Variants in LRCH1 observed in about 807,000 individuals in gnomAD.
The protein encoded by LRCH1 is leucine rich repeats and calponin homology domain containing 1.
LRCH1 carries 23 observed loss-of-function variants against 94.9 expected under a neutral mutation model. That is an observed-to-expected ratio of 0.24 (90% CI 0.17 to 0.34). The LOEUF is 0.34. Ranked by LOEUF, LRCH1 falls within the 10% of genes least tolerant of loss-of-function variation. The pLI is 1.00. For synonymous variants in LRCH1, 364 were observed against 354.9 expected, an observed-to-expected ratio of 1.03 and a Z score of -0.29; for missense variants, 790 against 945.9, an observed-to-expected ratio of 0.84 and a Z score of 2.16.
In LRCH1 at chr13:46,715,551, C is replaced by A; in HGVS notation, c.1655-9C>A. On this transcript the variant is annotated splice_polypyrimidine_tract_variant and intron_variant, in intron 15 of 19. Transcript: ENST00000389797. ...CTGTACGCGGACTGGCTCTCTGGCT[C>A]CCCTGCAGACCCAGCCCTCATTCTT... The A allele has an allele frequency of 6.6e-7, 1 of 1,516,040 alleles. No individual in the cohort carries two copies. The highest frequency in any genetic ancestry group is 8.9e-7 in the Non-Finnish European group (1 of 1,127,536). The allele number at this position is 1,516,040 out of a possible 1,614,324, so 93.9% of individuals were successfully genotyped here.
In LRCH1 at chr13:46,598,138, G is replaced by A. The variant is rs531660029; in HGVS notation, c.307+44435G>A. Among the ~76,000 whole-genome samples the A allele has an allele frequency of 2.6e-5, 4 of 152,186 alleles. 1 individual carries two copies. Among genetic ancestry groups the A allele is most frequent in the South Asian group, 4.2e-4 (2 of 4,810 alleles). On this transcript the variant is annotated intron_variant, in intron 1 of 19. Transcript: ENST00000389797. The stretch of plus-strand genomic sequence containing the variant: ...TCTACTAAAAATACAAAAATTAGCC[G>A]GTCAAGGTGGCGGGCACCCAATAAA...
chr13:46,729,065 G>A lies in LRCH1; in HGVS notation c.2007+81G>A, dbSNP rs1028069530. ...GTTGTTGGTTTAGGATGTCAATGGTGTCAGTAGGAGCTTGCTCAAATCTTT... is the reference window on the plus strand; with the variant it reads ...GTTGTTGGTTTAGGATGTCAATGGTATCAGTAGGAGCTTGCTCAAATCTTT... On this transcript the variant is annotated intron_variant, in intron 18 of 19. Transcript: ENST00000389797. 6.4e-5 allele frequency: 87 copies of A among 1,351,622 alleles called. 1 individual carries two copies. In the East Asian group the frequency reaches 6.5e-4, roughly 10 times the overall value. The allele number at this position is 1,351,622 out of a possible 1,614,324, so 83.7% of individuals were successfully genotyped here. A position where few individuals can be genotyped will look rare whatever the true frequency, so the allele number is the denominator to read the frequency against.
chr13:46,664,199 G>T (rs911977651), intron 2 of LRCH1, among the ~76,000 whole-genome samples: 2 of 152,138 alleles, frequency 1.3e-5, no homozygotes, highest in Non-Finnish European at 2.9e-5. Flanking sequence ...TATTTTAAAG[G>T]TGGCTAAAAT....
Position 46,553,620 on chromosome 13 carries a change from G to C in LRCH1, c.224G>C (p.Gly75Ala), listed in dbSNP as rs1165740967. The part of the protein sequence containing the change: ...RALEEAANSG[G>A]LNLSARKLKE... Reference sequence around the variant, plus strand: ...CTTGAGGAGGCGGCCAACTCCGGGGGGCTGAACCTGAGCGCCAGGAAATTG... The same window carrying C: ...CTTGAGGAGGCGGCCAACTCCGGGGCGCTGAACCTGAGCGCCAGGAAATTG... The change falls in exon 1 of 20, where the codon GGG becomes GCG. Residue 75 changes from glycine (G) to alanine (A), a missense_variant. Around this residue, in one of 3 missense-constraint regions of LRCH1, gnomAD observed 136 missense variants for 143.5 expected, o/e 0.95. Coordinates refer to ENST00000389797, the MANE Select transcript of LRCH1 (RefSeq NM_001164211.2). 1.3e-6 allele frequency: 2 copies of C among 1,581,950 alleles called. No homozygotes were observed. The highest frequency in any genetic ancestry group is 1.4e-5 in the African/African-American group (1 of 73,992).
At chr13:46,654,265 G>C (rs910161913) in intron 2 of LRCH1, among the ~76,000 whole-genome samples, 6 of 152,214 alleles carry the variant, frequency 3.9e-5, no homozygotes, top group Non-Finnish European at 8.8e-5. Context: ...GAGGGACTCA[G>C]AATATCATGC....
At chr13:46,694,357 A>C (rs1469451745) in intron 8 of LRCH1, among the ~76,000 whole-genome samples, 3 of 152,022 alleles carry the variant, frequency 2.0e-5, no homozygotes, top group East Asian at 1.9e-4. Flanking sequence ...GCATGCTGTC[A>C]CCTCTGTGTG....
chr13:46,695,441 C>G (rs1404668116), intron 9 of LRCH1, among the ~76,000 whole-genome samples: 1 of 152,130 alleles, frequency 6.6e-6, no homozygotes, highest in Non-Finnish European at 1.5e-5. Flanking sequence ...TTGGAAAGAT[C>G]TCTCTGAGGA....
intron 1 of LRCH1, among the ~76,000 whole-genome samples, chr13:46,608,318 A>G (rs2050710619): frequency 6.6e-6 from 1 of 152,212 alleles, no homozygotes; most frequent in African/African-American, 2.4e-5. Context: ...TTGCTTTGGA[A>G]TTAAAGAGAG....
chr13:46,740,619 C>T (rs911576300), intron 19 of LRCH1, among the ~76,000 whole-genome samples: 1 of 152,152 alleles, frequency 6.6e-6, no homozygotes, highest in Non-Finnish European at 1.5e-5. Context: ...GTAAATAAAA[C>T]TGCATTTATG....
intron 3 of LRCH1, among the ~76,000 whole-genome samples, chr13:46,680,516 G>A (rs746011562): frequency 2.0e-5 from 3 of 152,200 alleles, no homozygotes; most frequent in Non-Finnish European, 2.9e-5. Flanking sequence ...AAGATTTCAC[G>A]AAAGAGGTTG....
chr13:46,693,283 A>G (rs1015236177), intron 8 of LRCH1, among the ~76,000 whole-genome samples: 2 of 152,226 alleles, frequency 1.3e-5, no homozygotes, highest in Admixed American at 1.3e-4. Context: ...TGATTGGCAG[A>G]CAACTCCCCT....
intron 1 of LRCH1, among the ~76,000 whole-genome samples, chr13:46,592,501 C>A (rs1007736652): frequency 2.0e-5 from 3 of 152,196 alleles, no homozygotes; most frequent in Non-Finnish European, 2.9e-5. Context: ...ACAAGGTTTT[C>A]TTCACTGGTT....
chr13:46,747,033 C>T (rs1324760623), downstream of LRCH1, among the ~76,000 whole-genome samples: 1 of 152,308 alleles, frequency 6.6e-6, no homozygotes, highest in East Asian at 1.9e-4. Context: ...AGTCTTCTTA[C>T]ATCCCTCCAA....
In LRCH1 at chr13:46,650,289, C is replaced by T. The variant is rs781457571; in HGVS notation, c.396C>T (p.Ile132=). The change falls in exon 2 of 20, where the codon ATC becomes ATT. Residue 132 remains isoleucine (I), a synonymous_variant. Coordinates refer to ENST00000389797, the MANE Select transcript of LRCH1 (RefSeq NM_001164211.2). The part of the protein sequence containing the change: ...LEILNLYHNC[I]RVIPEAIVNL... ...TTCTTAATCTGTATCACAACTGTAT[C>T]AGAGTCATTCCTGAGGCCATCGTTA... 3.1e-6 allele frequency: 5 copies of T among 1,611,508 alleles called. No individual in the cohort carries two copies. The highest frequency in any genetic ancestry group is 4.2e-6 in the Non-Finnish European group (5 of 1,178,650).
At chr13:46,676,059 G>T (rs1424181489) in intron 3 of LRCH1, among the ~76,000 whole-genome samples, 1 of 152,162 alleles carries the variant, frequency 6.6e-6, no homozygotes. Context: ...TCAGGAGTTC[G>T]AGACCAGCCT....
chr13:46,681,341 T>C (rs2051747526), intron 3 of LRCH1, among the ~76,000 whole-genome samples: 1 of 152,224 alleles, frequency 6.6e-6, no homozygotes, highest in Admixed American at 6.5e-5. Context: ...TCATTTCTAG[T>C]GTTAACTCTG....
At chr13:46,695,634 C>T (rs1694125329) in intron 9 of LRCH1, among the ~76,000 whole-genome samples, 1 of 152,156 alleles carries the variant, frequency 6.6e-6, no homozygotes, top group Non-Finnish European at 1.5e-5. Flanking sequence ...ATGTTTCTGC[C>T]AGCCCTTTTG....
At chr13:46,653,739 G>A (rs2051336324) in intron 2 of LRCH1, among the ~76,000 whole-genome samples, 1 of 152,078 alleles carries the variant, frequency 6.6e-6, no homozygotes, top group Non-Finnish European at 1.5e-5. Context: ...GCTGAGGTGA[G>A]AGGGTCTGGG....
intron 16 of LRCH1, among the ~76,000 whole-genome samples, chr13:46,719,074 C>T (rs1247574498): frequency 1.3e-5 from 2 of 152,268 alleles, no homozygotes; most frequent in African/African-American, 4.8e-5. Context: ...ATGTGCTACA[C>T]ATGATGCTCA....
Sources: allele counts gnomAD v4.1 joint callset (sites outside exome capture counted in the v4.1 genomes callset), GRCh38; gene constraint gnomAD v4.1.1; regional missense constraint gnomAD v4.1.1; transcripts MANE v1.5; gene names NCBI Gene and HGNC (gene_info 2026-07-23, HGNC 2026-07-21).